Variants in CDH13 observed in about 807,000 individuals in gnomAD.
CDH13 encodes cadherin 13.
CDH13 carries 24 observed loss-of-function variants against 63.8 expected under a neutral mutation model. That is an observed-to-expected ratio of 0.38 (90% CI 0.27 to 0.53). The LOEUF is 0.53. Ranked by LOEUF, CDH13 falls within the 20% of genes least tolerant of loss-of-function variation. The pLI is 0.85. For missense variants in CDH13, 1,049 were observed against 903.1 expected, an observed-to-expected ratio of 1.16 and a Z score of -2.07; for synonymous variants, 503 against 355.3, an observed-to-expected ratio of 1.42 and a Z score of -4.67.
chr16:83,668,314 T>C (rs1043217958), intron 8 of CDH13, among the ~76,000 whole-genome samples: 1 of 152,214 alleles, frequency 6.6e-6, no homozygotes, highest in African/African-American at 2.4e-5. Context: ...GATAAAGCCA[T>C]GAAGAGACAG....
chr16:83,439,186 T>C (rs755920590), intron 6 of CDH13, among the ~76,000 whole-genome samples: 1 of 152,188 alleles, frequency 6.6e-6, no homozygotes, highest in Non-Finnish European at 1.5e-5. Context: ...TTCTAATGTT[T>C]TATTGGAAAG....
chr16:83,134,527 G>A (rs4783331), intron 4 of CDH13, among the ~76,000 whole-genome samples: 20,462 of 140,590 alleles, frequency 0.15, 1,887 homozygotes, highest in Middle Eastern at 0.28. Flanking sequence ...TGGATTTTAT[G>A]TGGGGATGGG....
intron 4 of CDH13, among the ~76,000 whole-genome samples, chr16:83,216,449 ACCCTAATTTGAGGTT>A (rs2039532911): frequency 2.8e-4 from 8 of 28,728 alleles, no homozygotes; most frequent in South Asian, 1.3e-3. Flanking sequence ...TATATACACA[ACCCTAATTTGAGGTT>A]TATATATAAC....
chr16:83,479,377 C>T lies in CDH13; in HGVS notation c.782-7100C>T, dbSNP rs547784849. On this transcript the variant is annotated intron_variant, in intron 6 of 13. Transcript: ENST00000567109. ...AGAGTCAATGAAAATAACAAACTTA[C>T]ATTTCTCAGCTGGGCGCGGTGGTTC... 2.0e-4 allele frequency among the ~76,000 whole-genome samples: 30 copies of T among 152,280 alleles called. 1 individual carries two copies. The highest frequency in any genetic ancestry group is 1.0e-3 in the South Asian group (5 of 4,822).
chr16:83,295,591 A>C (rs548249170), intron 5 of CDH13, among the ~76,000 whole-genome samples: 2 of 147,106 alleles, frequency 1.4e-5, no homozygotes, highest in Admixed American at 6.7e-5. Context: ...CAACATCACT[A>C]ATAATAGAAA....
At chr16:83,681,609 T>C (rs909394064) in intron 10 of CDH13, among the ~76,000 whole-genome samples, 10 of 151,904 alleles carry the variant, frequency 6.6e-5, no homozygotes, top group Non-Finnish European at 1.3e-4. Context: ...TTCTCTTTCT[T>C]CCCCTCCACC....
intron 5 of CDH13, among the ~76,000 whole-genome samples, chr16:83,279,697 A>C (rs1036660993): frequency 2.0e-5 from 3 of 152,174 alleles, no homozygotes; most frequent in Non-Finnish European, 2.9e-5. Context: ...GTAGTGACAC[A>C]CATTTCTAGA....
chr16:82,811,876 G>T (rs972224657), intron 1 of CDH13, among the ~76,000 whole-genome samples: 17 of 152,136 alleles, frequency 1.1e-4, no homozygotes, highest in African/African-American at 4.1e-4. Context: ...GAAGGGCCCA[G>T]GTTTAGGGAA....
chr16:83,771,264 G>A (rs1018367230), intron 11 of CDH13, among the ~76,000 whole-genome samples: 1 of 152,180 alleles, frequency 6.6e-6, no homozygotes, highest in Non-Finnish European at 1.5e-5. Flanking sequence ...TGTAAGTCAT[G>A]AGCCAACCAG....
chr16:82,769,242 G>A (rs1471257810), intron 1 of CDH13, among the ~76,000 whole-genome samples: 3 of 152,110 alleles, frequency 2.0e-5, no homozygotes, highest in Non-Finnish European at 4.4e-5. Context: ...AAAGCGTGCT[G>A]CAACAAATAA....
At chr16:83,430,255 G>C (rs867979744) in intron 6 of CDH13, among the ~76,000 whole-genome samples, 1 of 152,124 alleles carries the variant, frequency 6.6e-6, no homozygotes, top group Middle Eastern at 3.2e-3. Context: ...TTTCCAGTTT[G>C]ATTAATTTAC....
intron 4 of CDH13, among the ~76,000 whole-genome samples, chr16:83,128,818 ACTT>A (rs1567857830): frequency 1.3e-5 from 2 of 152,104 alleles, no homozygotes; most frequent in Non-Finnish European, 2.9e-5. Flanking sequence ...CTGAGGACTC[ACTT>A]CTTCTTAGCC....
chr16:83,295,029 A>G (rs529745704), intron 5 of CDH13, among the ~76,000 whole-genome samples: 1 of 152,316 alleles, frequency 6.6e-6, no homozygotes, highest in Admixed American at 6.5e-5. Flanking sequence ...TTATAACAAC[A>G]GACACATAGA....
At chr16:82,709,855 A>G (rs1318490099) in intron 1 of CDH13, among the ~76,000 whole-genome samples, 3 of 152,128 alleles carry the variant, frequency 2.0e-5, no homozygotes, top group Non-Finnish European at 4.4e-5. Flanking sequence ...CAGATCAACA[A>G]AGAAAGGCAA....
chr16:83,495,087 A>C (rs1399402819), intron 7 of CDH13, among the ~76,000 whole-genome samples: 2 of 152,182 alleles, frequency 1.3e-5, no homozygotes, highest in Non-Finnish European at 2.9e-5. Flanking sequence ...ACTCTATAAA[A>C]TTTGAAGAGA....
Position 83,099,613 on chromosome 16 carries a change from C to T in CDH13, c.367-25772C>T, listed in dbSNP as rs13380570. ...TGCTGGGATTATAGGTGTGAGCCAC[C>T]GTGCCGGGCCTCTACATATTACTTC... On this transcript the variant is annotated intron_variant, in intron 3 of 13. Coordinates refer to ENST00000567109, the MANE Select transcript of CDH13 (RefSeq NM_001257.5). Among the ~76,000 whole-genome samples, 877 of 148,522 alleles carry T rather than the reference C, an allele frequency of 5.9e-3. 12 individuals carry two copies. The highest frequency in any genetic ancestry group is 0.02 in the African/African-American group (831 of 40,692).
Position 83,180,370 on chromosome 16 carries a change from G to A in CDH13, c.484-36975G>A, listed in dbSNP as rs2038300964. Among the ~76,000 whole-genome samples the A allele has an allele frequency of 2.6e-5, 4 of 152,054 alleles. No homozygotes were observed. The South Asian group carries it at 8.3e-4, about 32-fold the overall frequency. On this transcript the variant is annotated intron_variant, in intron 4 of 13. Transcript: ENST00000567109. ...CACATCCTTTCCTTTATAAGGTTAG[G>A]AACAAACAAACTTCCTAGGAACTAT...
intron 6 of CDH13, among the ~76,000 whole-genome samples, chr16:83,410,186 G>A (rs538619694): frequency 9.2e-5 from 14 of 152,250 alleles, no homozygotes; most frequent in Admixed American, 8.5e-4. Flanking sequence ...ATGCCAAGTT[G>A]TTAATGGAAT....
chr16:83,226,174 CTT>C (rs1432495272), intron 5 of CDH13, among the ~76,000 whole-genome samples: 1 of 152,190 alleles, frequency 6.6e-6, no homozygotes, highest in East Asian at 1.9e-4. Flanking sequence ...CAGTTCGTCT[CTT>C]CGTATTTCCA....
Sources: allele counts gnomAD v4.1 joint callset (sites outside exome capture counted in the v4.1 genomes callset), GRCh38; gene constraint gnomAD v4.1.1; transcripts MANE v1.5; gene names NCBI Gene and HGNC (gene_info 2026-07-23, HGNC 2026-07-21).